YLPM1: variants seen among roughly 807,000 people sequenced by gnomAD.
YLPM1 encodes YLP motif containing 1.
A neutral mutation model predicts 230.0 loss-of-function variants in YLPM1; 99 were observed. The observed-to-expected ratio is 0.43, with a 90% CI of 0.37 to 0.51. The LOEUF is 0.51. Among genes scored for constraint, YLPM1 ranks in the 20% least tolerant of loss-of-function variants. The pLI is 0.00. For synonymous variants in YLPM1, 984 were observed against 942.5 expected (o/e 1.04, Z -0.81); for missense variants, 2,592 against 2,707.7 (o/e 0.96, Z 0.95).
intron 19 of YLPM1, among the ~76,000 whole-genome samples, chr14:74,834,700 G>T (rs373177816): frequency 1.3e-5 from 2 of 152,296 alleles, no homozygotes; most frequent in East Asian, 1.9e-4. Context: ...ACATGAAATG[G>T]TGCGATGCGC....
chr14:74,815,650 A>G (rs1004622541), intron 11 of YLPM1, among the ~76,000 whole-genome samples: 1 of 149,832 alleles, frequency 6.7e-6, no homozygotes, highest in Non-Finnish European at 1.5e-5. Flanking sequence ...TCTGTTTTCT[A>G]TTTTATTAAC....
intron 1 of YLPM1, among the ~76,000 whole-genome samples, chr14:74,771,996 C>G (rs1200393363): frequency 6.6e-6 from 1 of 152,158 alleles, no homozygotes. Context: ...GGTGTCCTCC[C>G]TGCCCCCTGC....
Position 74,810,019 on chromosome 14 carries a change from G to T in YLPM1, c.5032+17G>T. The T allele has an allele frequency of 6.3e-7, 1 of 1,578,068 alleles. No individual in the cohort carries two copies. The highest frequency in any genetic ancestry group is 8.6e-7 in the Non-Finnish European group (1 of 1,162,592). ...TTGAGACAGGTAGGATTCCCAGAGA[G>T]GTCAGTATTTTTAAACATTTTAGGG... On this transcript the variant is annotated intron_variant, in intron 8 of 20. Transcript: ENST00000325680.
chr14:74,811,224 G>A (rs1372750326), intron 9 of YLPM1, among the ~76,000 whole-genome samples: 2 of 152,014 alleles, frequency 1.3e-5, no homozygotes, highest in Admixed American at 6.6e-5. Flanking sequence ...GCTCACGCCT[G>A]TAATCCTAGC....
At chr14:74,805,919 T>C (rs963129300) in intron 6 of YLPM1, among the ~76,000 whole-genome samples, 1 of 148,252 alleles carries the variant, frequency 6.7e-6, no homozygotes, top group Non-Finnish European at 1.5e-5. Flanking sequence ...TTGGCCAGGC[T>C]GGTTTTGAAC....
chr14:74,809,259 T>A, intron 6 of YLPM1, 121 bp from the exon 7 acceptor site: 1 of 1,338,810 alleles, frequency 7.5e-7, no homozygotes, highest in Non-Finnish European at 9.7e-7. Flanking sequence ...AGCACGAAAT[T>A]TTGAATGAGT....
chr14:74,797,855 A>G lies in YLPM1; in HGVS notation c.2558A>G (p.Lys853Arg). The change falls in exon 5 of 21, where the codon AAG (lysine) becomes AGG (arginine). Residue 853 changes from lysine (K) to arginine (R), a missense_variant. This residue lies in a region of YLPM1 where 1,862 missense variants were observed against 1,819.8 expected (regional missense o/e 1.02). Transcript: ENST00000325680. ...AFGQQHQQQP[K>R]SQAEPLSGNK... Reference sequence around the variant, plus strand: ...GGACAGCAGCATCAGCAGCAACCTAAGTCACAAGCAGAACCTCTTTCAGGA... The same window carrying G: ...GGACAGCAGCATCAGCAGCAACCTAGGTCACAAGCAGAACCTCTTTCAGGA... 1 of 1,613,992 alleles carries G rather than the reference A, an allele frequency of 6.2e-7. No individual in the cohort carries two copies.
intron 4 of YLPM1, among the ~76,000 whole-genome samples, chr14:74,786,242 G>C (rs984283185): frequency 5.9e-5 from 9 of 151,454 alleles, no homozygotes; most frequent in African/African-American, 1.9e-4. Flanking sequence ...TGCGCCTGTA[G>C]TCCCAGCTAC....
At chr14:74,774,966 C>T (rs1189392096) in intron 1 of YLPM1, among the ~76,000 whole-genome samples, 4 of 152,190 alleles carry the variant, frequency 2.6e-5, no homozygotes, top group Admixed American at 2.6e-4. Flanking sequence ...GATCAAAATT[C>T]ATGGTATGGT....
chr14:74,805,048 C>A (rs1260445123), intron 6 of YLPM1, among the ~76,000 whole-genome samples: 1 of 143,544 alleles, frequency 7.0e-6, no homozygotes, highest in Non-Finnish European at 1.5e-5. Flanking sequence ...GAAATGGAGT[C>A]TCACTCTGTT....
At position 74,836,073 on chromosome 14, in the gene YLPM1, A is replaced by G. The variant is rs1344611347; in HGVS notation, c.*335A>G. ...TACAATGTCACAGACTATCTCTATC[A>G]TCATTGCTTTGTGGCTGTTTCTGTT... On this transcript the variant is annotated 3_prime_UTR_variant, in exon 21 of 21. Transcript: ENST00000325680. 1.4e-5 allele frequency: 4 copies of G among 292,838 alleles called. No individual in the cohort carries two copies. The highest frequency in any genetic ancestry group is 9.6e-5 in the Admixed American group (2 of 20,842). The allele number at this position is 292,838 out of a possible 1,614,324, so 18.1% of individuals were successfully genotyped here.
At position 74,836,142 on chromosome 14, in the gene YLPM1, A is replaced by T. The variant is rs1252360994; in HGVS notation, c.*404A>T. The T allele has an allele frequency of 5.1e-6, 1 of 196,688 alleles. No individual in the cohort carries two copies. Among genetic ancestry groups the T allele is most frequent in the Non-Finnish European group, 1.1e-5 (1 of 95,008 alleles). 12.2% of individuals were successfully genotyped at this position (196,688 alleles called of 1,614,324 possible). A position where few individuals can be genotyped will look rare whatever the true frequency, so the allele number is the denominator to read the frequency against. On this transcript the variant is annotated 3_prime_UTR_variant, in exon 21 of 21. Coordinates refer to ENST00000325680, the MANE Select transcript of YLPM1 (RefSeq NM_019589.3). ...GTAGCTGATTGTACTAGGATTAAAAACAATAAACTTTCATGATAAAGCCGA... is the reference window on the plus strand; with the variant it reads ...GTAGCTGATTGTACTAGGATTAAAATCAATAAACTTTCATGATAAAGCCGA...
In YLPM1 at chr14:74,798,397, A is replaced by G. The variant is rs747102757; in HGVS notation, c.3100A>G (p.Lys1034Glu). ...AAGCAGAATGGAAGACACACGGGAT[A>G]AAGGTCTAGTAAACAGAGGTCGCGG... Reference protein sequence around the residue: ...GQSRMEDTRDKGLVNRGRGQA... With the variant: ...GQSRMEDTRDEGLVNRGRGQA... The change falls in exon 5 of 21, where the codon AAA becomes GAA. Residue 1034 changes from lysine to glutamate, a missense_variant. Physicochemically the swap from Lys to Glu is moderately conservative, Grantham distance 56 (BLOSUM62 1). Around this residue, in one of 4 missense-constraint regions of YLPM1, gnomAD observed 1,862 missense variants for 1,819.8 expected, o/e 1.02. Coordinates refer to ENST00000325680, the MANE Select transcript of YLPM1 (RefSeq NM_019589.3). The G allele has an allele frequency of 2.5e-6, 4 of 1,614,048 alleles. No homozygotes were observed. Among genetic ancestry groups the G allele is most frequent in the Non-Finnish European group, 3.4e-6 (4 of 1,179,904 alleles).
At chr14:74,804,423 T>C (rs112444426) in intron 6 of YLPM1, among the ~76,000 whole-genome samples, 5 of 114,192 alleles carry the variant, frequency 4.4e-5, no homozygotes, top group African/African-American at 1.5e-4. Flanking sequence ...CATTGCTTGC[T>C]ACTCCACTCT....
chr14:74,763,567 G>T lies in YLPM1; in HGVS notation c.78G>T (p.Ala26=). The T allele has an allele frequency of 1.3e-6, 2 of 1,564,744 alleles. No individual in the cohort carries two copies. The highest frequency in any genetic ancestry group is 1.7e-6 in the Non-Finnish European group (2 of 1,154,112). The change falls in exon 1 of 21, where the codon GCG becomes GCT. Residue 26 remains alanine, a synonymous_variant. Transcript: ENST00000325680. ...CGGTCCCACCGCCGCCGCCAGTGGC[G>T]CTTCCTGAGGCCTCGCCGGGGCCCG... ...PPPVPPPPPV[A]LPEASPGPGY... is the part of the protein sequence containing the mutation.
intron 4 of YLPM1, among the ~76,000 whole-genome samples, chr14:74,796,619 G>A (rs1009244207): frequency 2.0e-5 from 3 of 152,160 alleles, no homozygotes; most frequent in African/African-American, 7.2e-5. Context: ...TCTCTTGGAT[G>A]TAATGTAATG....
chr14:74,824,650 C>T (rs1329504509), intron 18 of YLPM1, among the ~76,000 whole-genome samples: 1 of 151,116 alleles, frequency 6.6e-6, no homozygotes, highest in South Asian at 2.1e-4. Context: ...TAAATGCAGT[C>T]CAAAGTTAAA....
rs1465064533 is a variant in YLPM1, at chr14:74,835,902, C to T, written c.*164C>T. On this transcript the variant is annotated 3_prime_UTR_variant, in exon 21 of 21. Transcript: ENST00000325680. ...TTTTTTTTAAAGTTCTCCAGTGTCCCCAAGAGGTATTAGAATCTTGCTGTA... is the reference window on the plus strand; with the variant it reads ...TTTTTTTTAAAGTTCTCCAGTGTCCTCAAGAGGTATTAGAATCTTGCTGTA... 1.3e-5 allele frequency: 6 copies of T among 456,060 alleles called. No individual in the cohort carries two copies. Among genetic ancestry groups the T allele is most frequent in the Admixed American group, 9.4e-5 (4 of 42,492 alleles). 28.3% of individuals were successfully genotyped at this position (456,060 alleles called of 1,614,324 possible).
chr14:74,815,733 G>A (rs1248695676), intron 11 of YLPM1, among the ~76,000 whole-genome samples: 1 of 152,036 alleles, frequency 6.6e-6, no homozygotes, highest in Non-Finnish European at 1.5e-5. Context: ...GTCTTAAAGT[G>A]GATGGTTAAG....
Sources: allele counts gnomAD v4.1 joint callset (sites outside exome capture counted in the v4.1 genomes callset), GRCh38; gene constraint gnomAD v4.1.1; regional missense constraint gnomAD v4.1.1; transcripts MANE v1.5; gene names NCBI Gene and HGNC (gene_info 2026-07-23, HGNC 2026-07-21).